The following SERPINB11 variants were observed in gnomAD, a reference collection of about 807,000 sequenced individuals.
SERPINB11 encodes serpin family B member 11.
SERPINB11 carries 32 observed loss-of-function variants against 36.7 expected under a neutral mutation model. That is an observed-to-expected ratio of 0.87 (90% CI 0.66 to 1.17). SERPINB11 has a LOEUF of 1.17. Among genes scored for constraint, SERPINB11 ranks in the 50% most tolerant of loss-of-function variants. SERPINB11 has a pLI of 0.00. For missense variants in SERPINB11, 528 were observed against 458.4 expected (o/e 1.15, Z -1.39); for synonymous variants, 174 against 168.1 (o/e 1.04, Z -0.27).
intron 4 of SERPINB11, among the ~76,000 whole-genome samples, chr18:63,714,478 G>A (rs539797057): frequency 6.6e-5 from 10 of 152,182 alleles, no homozygotes; most frequent in East Asian, 1.9e-4. Context: ...GGAGTGCTAC[G>A]GGAGACCGGG....
At chr18:63,717,681 G>A (rs1423709580) in intron 5 of SERPINB11, among the ~76,000 whole-genome samples, 1 of 151,834 alleles carries the variant, frequency 6.6e-6, no homozygotes, top group Non-Finnish European at 1.5e-5. Flanking sequence ...CCACCTGTAA[G>A]AATGGTTTGT....
intron 4 of SERPINB11, 75 bp downstream of exon 4, chr18:63,712,768 G>A: frequency 1.4e-6 from 2 of 1,461,266 alleles, no homozygotes; most frequent in Admixed American, 1.8e-5. Context: ...TTGATGAAGA[G>A]TGAGAAGAGT....
chr18:63,706,949 A>T (rs1914387305), intron 1 of SERPINB11, among the ~76,000 whole-genome samples: 2 of 152,294 alleles, frequency 1.3e-5, no homozygotes, highest in African/African-American at 4.8e-5. Flanking sequence ...CAAGTGTTAG[A>T]GGAAGAAGAG....
intron 1 of SERPINB11, among the ~76,000 whole-genome samples, chr18:63,709,331 T>C (rs1914453057): frequency 6.6e-6 from 1 of 152,060 alleles, no homozygotes; most frequent in Admixed American, 6.6e-5. Flanking sequence ...GTGCTGGAAG[T>C]GCGGGCATGG....
intron 1 of SERPINB11, among the ~76,000 whole-genome samples, 152 bp downstream of exon 1, chr18:63,703,158 C>T (rs888550475): frequency 1.3e-5 from 2 of 152,162 alleles, no homozygotes; most frequent in African/African-American, 2.4e-5. Flanking sequence ...CTTTTGCTGA[C>T]CCCTTGATAA....
At chr18:63,708,998 C>T (rs1472505512) in intron 1 of SERPINB11, among the ~76,000 whole-genome samples, 1 of 152,166 alleles carries the variant, frequency 6.6e-6, no homozygotes, top group Non-Finnish European at 1.5e-5. Flanking sequence ...TGAAGAATGA[C>T]GTCTCCCTGA....
chr18:63,715,751 G>T (rs528242635), intron 4 of SERPINB11, among the ~76,000 whole-genome samples: 7 of 152,164 alleles, frequency 4.6e-5, no homozygotes, highest in Non-Finnish European at 7.3e-5. Flanking sequence ...CTCATGTATT[G>T]CAATTTGTCA....
At chr18:63,716,207 T>C in intron 5 of SERPINB11, 55 bp downstream of exon 5, 10 of 1,107,488 alleles carry the variant, frequency 9.0e-6, no homozygotes, top group Non-Finnish European at 1.2e-5. Context: ...ATAAGCAACC[T>C]GAGTCCACTT....
chr18:63,720,413 T>C (rs28700202), intron 6 of SERPINB11: 209,856 of 457,228 alleles, frequency 0.46, 51,807 homozygotes, highest in Non-Finnish European at 0.54. Context: ...AATGCTCTCT[T>C]GGCTTATTCT....
rs1308376967 is a variant in SERPINB11, at chr18:63,723,193, G to T, written c.973G>T (p.Gly325Cys). ...ADLSGMSPTK[G>C]LYLSKAIHKS... Reference sequence around the variant, plus strand: ...TCTTTCTGGAATGTCACCAACCAAGGGCCTATATTTATCAAAAGCCATCCA... The same window carrying T: ...TCTTTCTGGAATGTCACCAACCAAGTGCCTATATTTATCAAAAGCCATCCA... The change falls in exon 8 of 8, where the codon GGC becomes TGC. Residue 325 changes from glycine (G) to cysteine (C), a missense_variant. Physicochemically the swap from Gly to Cys is radical, Grantham distance 159 (BLOSUM62 -3). Coordinates refer to ENST00000544088, the MANE Select transcript of SERPINB11 (RefSeq NM_001370475.1). 2 of 1,613,522 alleles carry T rather than the reference G, an allele frequency of 1.2e-6. No homozygotes were observed. The highest frequency in any genetic ancestry group is 1.7e-6 in the Non-Finnish European group (2 of 1,179,712).
intron 5 of SERPINB11, among the ~76,000 whole-genome samples, chr18:63,717,114 G>A (rs968766259): frequency 2.6e-5 from 4 of 151,870 alleles, no homozygotes; most frequent in Non-Finnish European, 5.9e-5. Context: ...AGTTCTGCCT[G>A]TTTTTAAATC....
chr18:63,723,342 T>C lies in SERPINB11; in HGVS notation c.1122T>C (p.Phe374=), dbSNP rs751834606. The C allele has an allele frequency of 1.9e-6, 3 of 1,613,720 alleles. No individual in the cohort carries two copies. ...QFKANHPFLF[F]IRHTHTNTIL... ...AGGCGAACCACCCCTTCCTTTTCTT[T>C]ATAAGGCACACTCATACCAACACGA... The change falls in exon 8 of 8, where the codon TTT becomes TTC. Residue 374 remains phenylalanine, a synonymous_variant. Coordinates refer to ENST00000544088, the MANE Select transcript of SERPINB11 (RefSeq NM_001370475.1).
chr18:63,703,651 G>T (rs1914296086), intron 1 of SERPINB11, among the ~76,000 whole-genome samples: 1 of 152,126 alleles, frequency 6.6e-6, no homozygotes, highest in Non-Finnish European at 1.5e-5. Context: ...TAGATAAGTG[G>T]TCATGAGAGA....
intron 2 of SERPINB11, among the ~76,000 whole-genome samples, chr18:63,710,798 A>G (rs970330396): frequency 4.6e-5 from 7 of 152,248 alleles, no homozygotes; most frequent in Non-Finnish European, 1.0e-4. Flanking sequence ...TTATGGATTG[A>G]AAACTGAGAC....
intron 1 of SERPINB11, among the ~76,000 whole-genome samples, chr18:63,709,597 C>T (rs565788039): frequency 1.8e-4 from 14 of 79,632 alleles, no homozygotes; most frequent in Non-Finnish European, 3.0e-4. Context: ...GGCGACAGAG[C>T]GAGATTCTGT....
intron 2 of SERPINB11, 34 bp downstream of exon 2, chr18:63,710,395 A>T: frequency 1.3e-6 from 2 of 1,567,348 alleles, no homozygotes; most frequent in Non-Finnish European, 1.7e-6. Context: ...TTCAGAACCC[A>T]GAAGTCTTTC....
chr18:63,716,008 G>A, intron 4 of SERPINB11, 27 bp from the exon 5 acceptor site: 3 of 1,451,724 alleles, frequency 2.1e-6, no homozygotes, highest in Non-Finnish European at 2.9e-6. Flanking sequence ...CTTTTGAATT[G>A]TTGTTCAATT....
intron 3 of SERPINB11, among the ~76,000 whole-genome samples, chr18:63,711,991 A>G (rs1344426220): frequency 6.6e-6 from 1 of 152,176 alleles, no homozygotes; most frequent in Non-Finnish European, 1.5e-5. Flanking sequence ...TAGTTTAGGA[A>G]CCATTTGCTT....
At chr18:63,706,894 C>T (rs370088972) in intron 1 of SERPINB11, among the ~76,000 whole-genome samples, 59 of 152,130 alleles carry the variant, frequency 3.9e-4, no homozygotes, top group Admixed American at 1.4e-3. Context: ...AGCTACCTCA[C>T]GGACACAAAA....
Sources: gnomAD v4.1 joint callset for allele counts (sites outside exome capture counted in the v4.1 genomes callset) on GRCh38, gnomAD v4.1.1 for gene constraint, MANE v1.5 for transcripts, NCBI Gene and HGNC (gene_info 2026-07-23, HGNC 2026-07-21) for gene names.